The following HMGXB3 variants were observed in gnomAD, a reference collection of about 807,000 sequenced individuals.
The protein encoded by HMGXB3 is HMG-box containing 3, also known as HMG domain-containing protein 3.
HMGXB3 carries 45 observed loss-of-function variants against 121.5 expected under a neutral mutation model. The observed-to-expected ratio is 0.37, with a 90% CI of 0.29 to 0.47. The LOEUF is 0.47. HMGXB3 is among the 20% of genes least tolerant of loss of function. HMGXB3 has a pLI of 0.99. For synonymous variants in HMGXB3, 590 were observed against 624.1 expected (o/e 0.95, Z 0.81); for missense variants, 1,376 against 1,602.2 (o/e 0.86, Z 2.41).
At chr5:150,043,340 C>T (rs1581265508) in intron 15 of HMGXB3, among the ~76,000 whole-genome samples, 1 of 152,204 alleles carries the variant, frequency 6.6e-6, no homozygotes, top group Admixed American at 6.5e-5. Flanking sequence ...TTGAATATGC[C>T]AGTAGTTGCA....
In HMGXB3 at chr5:150,052,087, T is replaced by A; in HGVS notation, c.3774T>A (p.Gly1258=). ...IHDIVQSCQP[G]EVVIRDTLYR... ...ACATTGTACAGAGCTGCCAGCCTGG[T>A]GAGGTGGTCATTCGTGACACCCTCT... Residue 1258 remains glycine, a synonymous_variant, in exon 20 of 20, where the codon GGT becomes GGA. Transcript: ENST00000502717. The A allele has an allele frequency of 6.4e-7, 1 of 1,551,856 alleles. No individual in the cohort carries two copies. The highest frequency in any genetic ancestry group is 8.7e-7 in the Non-Finnish European group (1 of 1,147,030).
At chr5:150,046,627 A>G (rs1329128134) in intron 16 of HMGXB3, among the ~76,000 whole-genome samples, 3 of 151,980 alleles carry the variant, frequency 2.0e-5, no homozygotes, top group African/African-American at 7.2e-5. Flanking sequence ...CCTGGCTAAC[A>G]CGGTGAAACA....
chr5:150,032,584 A>C lies in HMGXB3; in HGVS notation c.1964A>C (p.Glu655Ala). 6.4e-7 allele frequency: 1 copy of C among 1,552,342 alleles called. No individual in the cohort carries two copies. The highest frequency in any genetic ancestry group is 8.7e-7 in the Non-Finnish European group (1 of 1,147,116). The change falls in exon 11 of 20, where the codon GAG becomes GCG. Residue 655 changes from glutamate (E) to alanine (A), a missense_variant. By Grantham distance (107) the Glu-to-Ala change is moderately radical (BLOSUM62 -1). Around this residue, in one of 2 missense-constraint regions of HMGXB3, gnomAD observed 1,116 missense variants for 1,369.0 expected, o/e 0.82. Transcript: ENST00000502717. ...CGVNLAKDRTEKTTKAIEVSS... is the reference protein window; with the variant it reads ...CGVNLAKDRTAKTTKAIEVSS... ...GTTAACCTTGCCAAAGACCGGACTG[A>C]GAAAACCACCAAGGCTATCGTGAGT...
chr5:150,018,782 G>T, intron 6 of HMGXB3, 85 bp downstream of exon 6: 1 of 1,274,938 alleles, frequency 7.8e-7, no homozygotes, highest in Non-Finnish European at 1.1e-6. Context: ...TTTTTAAAAA[G>T]TTAACATTTG....
At chr5:150,035,845 C>A (rs1320124481) in intron 11 of HMGXB3, among the ~76,000 whole-genome samples, 2 of 149,182 alleles carry the variant, frequency 1.3e-5, no homozygotes, top group African/African-American at 4.9e-5. Context: ...ACAAAATTAC[C>A]TTGTACCCAG....
intron 2 of HMGXB3, among the ~76,000 whole-genome samples, chr5:150,005,530 C>T (rs574622502): frequency 2.8e-5 from 4 of 142,764 alleles, no homozygotes; most frequent in South Asian, 4.4e-4. Flanking sequence ...ATCTGGGAGG[C>T]GGAGGTTGCG....
At chr5:150,008,054 T>TTCTCTC (rs201770841) in intron 3 of HMGXB3, among the ~76,000 whole-genome samples, 3 of 108,038 alleles carry the variant, frequency 2.8e-5, no homozygotes, top group Non-Finnish European at 5.7e-5. Context: ...GAGACTCTGT[T>TTCTCTC]TCACACACAC....
intron 5 of HMGXB3, among the ~76,000 whole-genome samples, chr5:150,016,713 C>T (rs1046598454): frequency 2.6e-5 from 4 of 152,104 alleles, no homozygotes; most frequent in Non-Finnish European, 5.9e-5. Flanking sequence ...CAGTCTCTGT[C>T]TTTAAAAGAG....
intron 5 of HMGXB3, among the ~76,000 whole-genome samples, chr5:150,016,775 A>T (rs1287732012): frequency 3.3e-5 from 5 of 152,048 alleles, no homozygotes; most frequent in African/African-American, 1.2e-4. Context: ...TTACATTTAG[A>T]TCTATTATTA....
At chr5:150,048,370 T>C (rs1756810107) in intron 17 of HMGXB3, among the ~76,000 whole-genome samples, 199 bp from the exon 18 acceptor site, 1 of 152,234 alleles carries the variant, frequency 6.6e-6, no homozygotes, top group Non-Finnish European at 1.5e-5. Flanking sequence ...GCTGGCTTTG[T>C]CTGTGACCTA....
At chr5:150,009,192 TA>T (rs1178455277) in intron 3 of HMGXB3, among the ~76,000 whole-genome samples, 1 of 152,256 alleles carries the variant, frequency 6.6e-6, no homozygotes, top group Non-Finnish European at 1.5e-5. Flanking sequence ...CTGTGCTTTT[TA>T]GTACCTGGCC....
chr5:150,015,296 T>C (rs1231655673), intron 5 of HMGXB3: 1 of 160,748 alleles, frequency 6.2e-6, no homozygotes, highest in African/African-American at 2.4e-5. Flanking sequence ...TCTTTTCTTT[T>C]CTTTTTTTGG....
intron 9 of HMGXB3, among the ~76,000 whole-genome samples, chr5:150,027,953 G>C (rs1756273126): frequency 6.6e-6 from 1 of 152,170 alleles, no homozygotes; most frequent in African/African-American, 2.4e-5. Flanking sequence ...CTGAAAATCT[G>C]AGACAGGTCT....
Position 150,052,154 on chromosome 5 carries a change from G to A in HMGXB3, c.3841G>A (p.Glu1281Lys), listed in dbSNP as rs1404459492. The change falls in exon 20 of 20, where the codon GAG becomes AAG. Residue 1281 changes from glutamate to lysine, a missense_variant. Around this residue, in one of 2 missense-constraint regions of HMGXB3, gnomAD observed 260 missense variants for 233.2 expected, o/e 1.11. Transcript: ENST00000502717. ...VAQIKTETEE[E>K]GEEEEVAAVA... is the part of the protein sequence containing the mutation. ...TCAGATCAAGACAGAGACAGAGGAG[G>A]AGGGTGAGGAAGAGGAGGTGGCCGC... 6.5e-7 allele frequency: 1 copy of A among 1,549,028 alleles called. No homozygotes were observed. The highest frequency in any genetic ancestry group is 8.7e-7 in the Non-Finnish European group (1 of 1,145,156).
chr5:150,023,855 A>G (rs1014390845), intron 6 of HMGXB3, among the ~76,000 whole-genome samples: 13 of 152,392 alleles, frequency 8.5e-5, no homozygotes, highest in East Asian at 3.9e-4. Context: ...ATCTCATAAA[A>G]GGACCACCAA....
intron 6 of HMGXB3, 120 bp from the exon 7 acceptor site, chr5:150,024,142 C>G (rs1756165254): frequency 1.2e-6 from 1 of 821,870 alleles, no homozygotes; most frequent in East Asian, 2.8e-5. Flanking sequence ...TTAACTTCTT[C>G]CTTTCATGGA....
intron 9 of HMGXB3, among the ~76,000 whole-genome samples, chr5:150,029,495 A>G (rs1367260599): frequency 6.6e-6 from 1 of 152,202 alleles, no homozygotes; most frequent in East Asian, 1.9e-4. Flanking sequence ...GCTTTTGATC[A>G]TGACCTTCAG....
In HMGXB3 at chr5:150,018,587, G is replaced by C. The variant is rs1756012136; in HGVS notation, c.931G>C (p.Gly311Arg). ...IKLTTTYTRR[G>R]HGTCTSPGCS... ...ACAGACCACTACATATACCCGCCGG[G>C]GCCATGGGACATGCACCAGCCCAGG... is the stretch of plus-strand genomic sequence containing the variant. The change falls in exon 6 of 20, where the codon GGC becomes CGC. Residue 311 changes from glycine (G) to arginine (R), a missense_variant. Gly to Arg is a moderately radical substitution (Grantham distance 125). Transcript: ENST00000502717. 2 of 1,549,024 alleles carry C rather than the reference G, an allele frequency of 1.3e-6. No individual in the cohort carries two copies. Among genetic ancestry groups the C allele is most frequent in the Non-Finnish European group, 1.7e-6 (2 of 1,145,898 alleles).
chr5:150,022,857 G>A (rs62380682), intron 6 of HMGXB3, among the ~76,000 whole-genome samples: 1,662 of 139,800 alleles, frequency 0.012, 21 homozygotes, highest in African/African-American at 0.042. Flanking sequence ...ACAGGGTCTC[G>A]CTCTGTCACC....
Sources: allele counts gnomAD v4.1 joint callset (sites outside exome capture counted in the v4.1 genomes callset), GRCh38; gene constraint gnomAD v4.1.1; regional missense constraint gnomAD v4.1.1; transcripts MANE v1.5; gene names NCBI Gene and HGNC (gene_info 2026-07-23, HGNC 2026-07-21).